The following SPON1 variants were observed in gnomAD, a reference collection of about 807,000 sequenced individuals.
SPON1 encodes spondin 1, also known as spondin-1.
In SPON1, 52 loss-of-function variants were observed where a neutral mutation model predicts 111.7. The ratio of observed to expected loss-of-function variants is 0.47; its 90% CI spans 0.37 to 0.59. The LOEUF is 0.59. Ranked by LOEUF, SPON1 falls within the 20% of genes least tolerant of loss-of-function variation. The pLI is 0.00. For missense variants in SPON1, 957 were observed against 1,068.5 expected (o/e 0.90, Z 1.46); for synonymous variants, 410 against 395.8 (o/e 1.04, Z -0.43).
At chr11:14,017,941 A>G (rs1419543802) in intron 2 of SPON1, among the ~76,000 whole-genome samples, 1 of 152,148 alleles carries the variant, frequency 6.6e-6, no homozygotes, top group Non-Finnish European at 1.5e-5. Context: ...GAGTCGGACT[A>G]TTTGGAATGA....
At chr11:13,993,277 G>T (rs1334653948) in intron 2 of SPON1, among the ~76,000 whole-genome samples, 1 of 151,998 alleles carries the variant, frequency 6.6e-6, no homozygotes. Context: ...AGAAGGGGGT[G>T]GGGCTACCTG....
intron 2 of SPON1, among the ~76,000 whole-genome samples, chr11:13,997,132 CATGTAT>C (rs1405109975): frequency 6.6e-6 from 1 of 152,168 alleles, no homozygotes; most frequent in Non-Finnish European, 1.5e-5. Context: ...TGTATGCACA[CATGTAT>C]ATGTATATAT....
At chr11:14,112,944 A>C (rs7948193) in intron 5 of SPON1, among the ~76,000 whole-genome samples, 116,099 of 152,166 alleles carry the variant, frequency 0.76, 44,708 homozygotes, top group African/African-American at 0.86. Context: ...ACACCAGGGG[A>C]TTTCTGGCCT....
Position 14,255,705 on chromosome 11 carries a change from ATCC to A in SPON1, c.1154_1156del (p.Pro385del). ...ATCCGGCCCCTGACCAGCCTGGACCATCCTCAGAGTCCTTTCTATGACCCAGAG... is the reference window on the plus strand; with the variant it reads ...ATCCGGCCCCTGACCAGCCTGGACCATCAGAGTCCTTTCTATGACCCAGAG... On this transcript the variant is annotated inframe_deletion, in exon 9 of 16. Transcript: ENST00000576479. 1 of 1,613,912 alleles carries A rather than the reference ATCC, an allele frequency of 6.2e-7. No individual in the cohort carries two copies. Among genetic ancestry groups the A allele is most frequent in the Non-Finnish European group, 8.5e-7 (1 of 1,179,862 alleles).
chr11:14,143,021 G>A (rs1436910078), intron 6 of SPON1, among the ~76,000 whole-genome samples: 3 of 152,134 alleles, frequency 2.0e-5, no homozygotes, highest in Non-Finnish European at 2.9e-5. Flanking sequence ...CTGCTTACTT[G>A]GGTTGCACAT....
intron 6 of SPON1, among the ~76,000 whole-genome samples, chr11:14,229,083 C>T (rs996511851): frequency 1.3e-5 from 2 of 152,166 alleles, no homozygotes; most frequent in Non-Finnish European, 2.9e-5. Context: ...CGTGGTGTGA[C>T]AATCACAAAG....
chr11:14,227,752 C>T (rs1554938273), intron 6 of SPON1, among the ~76,000 whole-genome samples: 2 of 152,174 alleles, frequency 1.3e-5, no homozygotes, highest in African/African-American at 4.8e-5. Flanking sequence ...AAAATCAAGG[C>T]TCAAAGAGTT....
At chr11:14,251,291 A>G (rs781935369) in intron 7 of SPON1, among the ~76,000 whole-genome samples, 1 of 152,176 alleles carries the variant, frequency 6.6e-6, no homozygotes, top group Non-Finnish European at 1.5e-5. Context: ...CAGCCATGTG[A>G]CCTCATAGTC....
intron 1 of SPON1, among the ~76,000 whole-genome samples, chr11:13,969,215 C>CAA (rs3047401): frequency 0.082 from 8,765 of 106,654 alleles, 482 homozygotes; most frequent in African/African-American, 0.14. Context: ...CCCATCTCTA[C>CAA]AAAAAAAAAA....
intron 2 of SPON1, among the ~76,000 whole-genome samples, chr11:14,018,404 G>C (rs1369580715): frequency 6.6e-6 from 1 of 152,180 alleles, no homozygotes; most frequent in African/African-American, 2.4e-5. Flanking sequence ...GTAGAAATTG[G>C]CTTGTTCAGT....
intron 5 of SPON1, among the ~76,000 whole-genome samples, chr11:14,131,847 C>T (rs954727573): frequency 6.6e-6 from 1 of 152,196 alleles, no homozygotes; most frequent in Non-Finnish European, 1.5e-5. Context: ...GACATCAATA[C>T]CCTTTGTAAT....
At chr11:14,180,345 C>T (rs1263453150) in intron 6 of SPON1, among the ~76,000 whole-genome samples, 1 of 152,198 alleles carries the variant, frequency 6.6e-6, no homozygotes, top group African/African-American at 2.4e-5. Context: ...ATCATGCCTC[C>T]GTATTTCCTG....
chr11:14,006,867 G>A (rs1257960588), intron 2 of SPON1, among the ~76,000 whole-genome samples: 2 of 152,156 alleles, frequency 1.3e-5, no homozygotes, highest in Non-Finnish European at 2.9e-5. Context: ...TAGAGCTGCT[G>A]TAACAAATTG....
chr11:14,108,901 A>T (rs1272924470), intron 5 of SPON1, among the ~76,000 whole-genome samples: 1 of 152,058 alleles, frequency 6.6e-6, no homozygotes, highest in East Asian at 1.9e-4. Flanking sequence ...ATAAGCAATT[A>T]TTAGGTGGGA....
chr11:13,994,974 T>A (rs1420948044), intron 2 of SPON1, among the ~76,000 whole-genome samples: 1 of 152,256 alleles, frequency 6.6e-6, no homozygotes. Flanking sequence ...AGTGTTTTCT[T>A]TCTTTCATTC....
intron 6 of SPON1, among the ~76,000 whole-genome samples, chr11:14,207,515 G>GA (rs1564931238): frequency 1.3e-5 from 2 of 151,558 alleles, no homozygotes; most frequent in Admixed American, 6.6e-5. Flanking sequence ...AAATTTACAA[G>GA]AAAAAAACCA....
At chr11:14,083,668 T>C (rs1554922271) in intron 5 of SPON1, among the ~76,000 whole-genome samples, 1 of 152,226 alleles carries the variant, frequency 6.6e-6, no homozygotes, top group Non-Finnish European at 1.5e-5. Context: ...TGAAAAGCCA[T>C]ATCCATTAAT....
At chr11:14,128,375 A>G (rs1428958739) in intron 5 of SPON1, among the ~76,000 whole-genome samples, 8 of 152,230 alleles carry the variant, frequency 5.3e-5, no homozygotes, top group Non-Finnish European at 8.8e-5. Flanking sequence ...GGCCCCATGC[A>G]AATCCAAAAC....
At chr11:14,170,502 G>A (rs1193440144) in intron 6 of SPON1, among the ~76,000 whole-genome samples, 1 of 152,034 alleles carries the variant, frequency 6.6e-6, no homozygotes, top group Admixed American at 6.6e-5. Context: ...TCTCCTGCCT[G>A]ATTGCCCTGG....
Sources: gnomAD v4.1 joint callset for allele counts (sites outside exome capture counted in the v4.1 genomes callset) on GRCh38, gnomAD v4.1.1 for gene constraint, MANE v1.5 for transcripts, NCBI Gene and HGNC (gene_info 2026-07-23, HGNC 2026-07-21) for gene names.